Variants in CDKAL1 observed in about 807,000 individuals in gnomAD.
The protein encoded by CDKAL1 is threonylcarbamoyladenosine tRNA methylthiotransferase.
A neutral mutation model predicts 68.2 loss-of-function variants in CDKAL1; 32 were observed. That is an observed-to-expected ratio of 0.47 (90% confidence interval 0.35 to 0.63). The LOEUF is 0.63. Among genes scored for constraint, CDKAL1 ranks in the 30% least tolerant of loss-of-function variants. CDKAL1 has a pLI of 0.00. For missense variants in CDKAL1, 606 were observed against 696.7 expected (o/e 0.87, Z 1.47); for synonymous variants, 234 against 244.3 (o/e 0.96, Z 0.39).
At chr6:20,803,038 C>T (rs1776431746) in intron 8 of CDKAL1, among the ~76,000 whole-genome samples, 1 of 152,182 alleles carries the variant, frequency 6.6e-6, no homozygotes, top group South Asian at 2.1e-4. Flanking sequence ...TGAACTTAAT[C>T]TGGAATTATA....
chr6:21,058,833 G>A (rs1770980733), intron 11 of CDKAL1, among the ~76,000 whole-genome samples: 1 of 151,960 alleles, frequency 6.6e-6, no homozygotes, highest in South Asian at 2.1e-4. Context: ...CAGGGGGCAT[G>A]CTCCTGTATA....
chr6:20,926,990 G>T (rs1441444900), intron 9 of CDKAL1, among the ~76,000 whole-genome samples: 1 of 150,718 alleles, frequency 6.6e-6, no homozygotes, highest in East Asian at 1.9e-4. Flanking sequence ...TCACCCTTTG[G>T]TATCAATTAA....
intron 13 of CDKAL1, among the ~76,000 whole-genome samples, chr6:21,172,300 TC>T (rs909642914): frequency 1.3e-5 from 2 of 152,312 alleles, no homozygotes; most frequent in Admixed American, 1.3e-4. Flanking sequence ...AGGGAAAGGA[TC>T]CCCTGTTTTA....
intron 11 of CDKAL1, among the ~76,000 whole-genome samples, chr6:21,036,273 T>C (rs528802342): frequency 6.6e-6 from 1 of 152,168 alleles, no homozygotes; most frequent in Non-Finnish European, 1.5e-5. Context: ...ATTAAGTCCA[T>C]AACAGAAGCT....
At chr6:20,796,541 A>G (rs1246853042) in intron 8 of CDKAL1, among the ~76,000 whole-genome samples, 3 of 152,194 alleles carry the variant, frequency 2.0e-5, no homozygotes, top group African/African-American at 7.2e-5. Flanking sequence ...ACAGTTTTGA[A>G]TAAGAATAAG....
intron 10 of CDKAL1, among the ~76,000 whole-genome samples, chr6:20,993,174 A>C (rs1036025703): frequency 6.6e-6 from 1 of 152,126 alleles, no homozygotes; most frequent in African/African-American, 2.4e-5. Flanking sequence ...CTAAAATTAG[A>C]TTGTGGTAAT....
intron 5 of CDKAL1, among the ~76,000 whole-genome samples, chr6:20,671,574 C>CACTT (rs1231100462): frequency 6.6e-6 from 1 of 152,166 alleles, no homozygotes; most frequent in African/African-American, 2.4e-5. Flanking sequence ...TAGTACTTGT[C>CACTT]ACTTACATAG....
rs112175239 is a variant in CDKAL1 at position 20,618,678 on chromosome 6, T to C, written c.287-30615T>C. On this transcript the variant is annotated intron_variant, in intron 4 of 15. Coordinates refer to ENST00000274695, the MANE Select transcript of CDKAL1 (RefSeq NM_017774.3). ...TGTGCTCAGTTTTCATTTTATCAAT[T>C]CTTTTCGTTTTTTTTTTGGATACAG... Among the ~76,000 whole-genome samples, 1,412 of 152,010 alleles carry C rather than the reference T, an allele frequency of 9.3e-3. 26 individuals are homozygous for C. The highest frequency in any genetic ancestry group is 0.03 in the African/African-American group (1,257 of 41,386).
At chr6:20,985,201 C>A (rs564106555) in intron 10 of CDKAL1, among the ~76,000 whole-genome samples, 1 of 152,152 alleles carries the variant, frequency 6.6e-6, no homozygotes, top group Non-Finnish European at 1.5e-5. Context: ...GCTTGAACAT[C>A]ACTTTACGTG....
chr6:20,558,467 A>G (rs776303006), intron 4 of CDKAL1: 8 of 455,102 alleles, frequency 1.8e-5, no homozygotes, highest in African/African-American at 4.0e-5. Context: ...TGCGGTCTGT[A>G]TGATAAACAA....
At chr6:20,735,966 A>G (rs956328973) in intron 5 of CDKAL1, among the ~76,000 whole-genome samples, 52 of 152,200 alleles carry the variant, frequency 3.4e-4, no homozygotes, top group Admixed American at 2.5e-3. Context: ...GCTGTCATCA[A>G]CTATCACTTT....
At chr6:20,991,787 G>A (rs892337004) in intron 10 of CDKAL1, among the ~76,000 whole-genome samples, 8 of 149,890 alleles carry the variant, frequency 5.3e-5, no homozygotes, top group Admixed American at 3.3e-4. Flanking sequence ...AAGCTGAGGT[G>A]CGTACATGGC....
chr6:20,908,404 A>G (rs149222327), intron 9 of CDKAL1, among the ~76,000 whole-genome samples: 4 of 152,348 alleles, frequency 2.6e-5, no homozygotes, highest in African/African-American at 7.2e-5. Flanking sequence ...TGTTTAATAT[A>G]GGAATTATAA....
chr6:20,799,040 GTTTTT>G (rs754008816), intron 8 of CDKAL1, among the ~76,000 whole-genome samples: 25 of 47,476 alleles, frequency 5.3e-4, no homozygotes, highest in East Asian at 8.4e-4. Context: ...AAAGAACTGA[GTTTTT>G]TTTTTTTTTT....
At chr6:20,689,461 C>T (rs1337528535) in intron 5 of CDKAL1, among the ~76,000 whole-genome samples, 1 of 152,172 alleles carries the variant, frequency 6.6e-6, no homozygotes, top group Non-Finnish European at 1.5e-5. Context: ...AGTGATTTGC[C>T]TGGTGACCTC....
intron 4 of CDKAL1, among the ~76,000 whole-genome samples, chr6:20,625,952 C>G (rs1007661179): frequency 6.6e-6 from 1 of 152,084 alleles, no homozygotes; most frequent in Non-Finnish European, 1.5e-5. Context: ...TTCTTGTGAT[C>G]CCCCCATCCC....
At chr6:21,103,454 A>G (rs9465966) in intron 12 of CDKAL1, among the ~76,000 whole-genome samples, 38,986 of 151,338 alleles carry the variant, frequency 0.26, 5,153 homozygotes, top group South Asian at 0.38. Context: ...AAAAAAGGTC[A>G]TCAGTGTTTT....
intron 11 of CDKAL1, among the ~76,000 whole-genome samples, chr6:21,003,029 A>C (rs9350312): frequency 0.48 from 72,424 of 151,436 alleles, 18,455 homozygotes; most frequent in East Asian, 0.85. Context: ...TAGACAGTTC[A>C]TCAGAACCAT....
chr6:20,751,994 G>C (rs374112536), intron 6 of CDKAL1, among the ~76,000 whole-genome samples: 2 of 151,706 alleles, frequency 1.3e-5, no homozygotes, highest in South Asian at 4.2e-4. Context: ...TTGTTTTCTT[G>C]CTCTCGATTG....
Sources: allele counts gnomAD v4.1 joint callset (sites outside exome capture counted in the v4.1 genomes callset), GRCh38; gene constraint gnomAD v4.1.1; transcripts MANE v1.5; gene names NCBI Gene and HGNC (gene_info 2026-07-23, HGNC 2026-07-21).